CDK14: variants seen among roughly 807,000 people sequenced by gnomAD.
The protein encoded by CDK14 is cyclin-dependent kinase 14.
A neutral mutation model predicts 60.7 loss-of-function variants in CDK14; 34 were observed. The ratio of observed to expected loss-of-function variants is 0.56; its 90% CI spans 0.43 to 0.75. The LOEUF (loss-of-function observed/expected upper bound fraction) is 0.75. CDK14 is among the 30% of genes least tolerant of loss of function. The pLI is 0.00. For missense variants in CDK14, 482 were observed against 564.1 expected (o/e 0.85, Z 1.47); for synonymous variants, 197 against 203.7 (o/e 0.97, Z 0.28).
rs1803005823 is a variant in CDK14, at chr7:91,209,558, A to C, written c.*2422A>C. 6.6e-6 allele frequency: 1 copy of C among 152,102 alleles called. No individual in the cohort carries two copies. Among genetic ancestry groups the C allele is most frequent in the Non-Finnish European group, 1.5e-5 (1 of 68,012 alleles). 9.4% of individuals were successfully genotyped at this position (152,102 alleles called of 1,614,324 possible). On this transcript the variant is annotated 3_prime_UTR_variant, in exon 15 of 15. Transcript: ENST00000380050. Reference sequence around the variant, plus strand: ...AAAATCAATTCAGACTGTGTTGATTAGCAGATTTATTATTCTATTGAGAAA... The same window carrying C: ...AAAATCAATTCAGACTGTGTTGATTCGCAGATTTATTATTCTATTGAGAAA...
At chr7:91,010,801 TTTCC>T (rs1253624022) in intron 10 of CDK14, among the ~76,000 whole-genome samples, 9,320 of 85,872 alleles carry the variant, frequency 0.11, 807 homozygotes, top group East Asian at 0.21. Flanking sequence ...TCCTTCCTTC[TTTCC>T]TTCCTTCCTT....
At chr7:90,965,028 C>T (rs1353948094) in intron 9 of CDK14, among the ~76,000 whole-genome samples, 1 of 152,158 alleles carries the variant, frequency 6.6e-6, no homozygotes, top group Admixed American at 6.5e-5. Context: ...GCAAATCTAT[C>T]AGTTCCATTT....
intron 7 of CDK14, among the ~76,000 whole-genome samples, chr7:90,902,215 T>G (rs1004923180): frequency 6.6e-6 from 1 of 152,072 alleles, no homozygotes; most frequent in South Asian, 2.1e-4. Context: ...AAAATACCAA[T>G]AACATTCTTC....
intron 4 of CDK14, among the ~76,000 whole-genome samples, chr7:90,777,812 T>TA (rs202192943): frequency 0.026 from 3,936 of 152,196 alleles, 80 homozygotes; most frequent in Middle Eastern, 0.054. Context: ...CTATCCAAAG[T>TA]AAAAAAACTC....
chr7:90,898,157 A>G (rs1430019186), intron 6 of CDK14, among the ~76,000 whole-genome samples: 1 of 152,078 alleles, frequency 6.6e-6, no homozygotes, highest in Non-Finnish European at 1.5e-5. Flanking sequence ...AACATCATCC[A>G]GCACTATTCT....
intron 4 of CDK14, among the ~76,000 whole-genome samples, chr7:90,784,194 T>G (rs1249984373): frequency 2.6e-5 from 4 of 152,162 alleles, no homozygotes; most frequent in Non-Finnish European, 5.9e-5. Context: ...GCACATGTTC[T>G]CAGTCATATA....
intron 14 of CDK14, among the ~76,000 whole-genome samples, chr7:91,174,515 CAGG>C (rs1179689082): frequency 3.3e-5 from 5 of 151,660 alleles, no homozygotes; most frequent in African/African-American, 9.7e-5. Flanking sequence ...CTCTGAGCTA[CAGG>C]AGGACATTCA....
chr7:91,203,975 T>G (rs770449783), intron 14 of CDK14, among the ~76,000 whole-genome samples: 12 of 152,154 alleles, frequency 7.9e-5, no homozygotes, highest in Non-Finnish European at 1.2e-4. Flanking sequence ...ACAAAGGAGT[T>G]TGTTCCCATG....
chr7:90,887,634 A>G (rs563760020), intron 6 of CDK14, among the ~76,000 whole-genome samples: 5 of 152,338 alleles, frequency 3.3e-5, no homozygotes, highest in Non-Finnish European at 7.4e-5. Flanking sequence ...CTTTTGCCCC[A>G]TAAGTAATCA....
chr7:90,888,473 C>A (rs1488118640), intron 6 of CDK14, among the ~76,000 whole-genome samples: 1 of 152,126 alleles, frequency 6.6e-6, no homozygotes, highest in Non-Finnish European at 1.5e-5. Flanking sequence ...CTATTATTCA[C>A]CCCTGTAGTC....
In CDK14 at chr7:91,044,469, T is replaced by A. The variant is rs115332175; in HGVS notation, c.1042-1428T>A. Among the ~76,000 whole-genome samples the A allele has an allele frequency of 7.9e-3, 1,209 of 152,208 alleles. 15 individuals are homozygous for A. Among genetic ancestry groups the A allele is most frequent in the African/African-American group, 0.028 (1,152 of 41,518 alleles). ...TTCTTACATTTACAGACTTACAAAGTCTGTCCTATCAGTCTTAAGGCCTGT... is the reference window on the plus strand; with the variant it reads ...TTCTTACATTTACAGACTTACAAAGACTGTCCTATCAGTCTTAAGGCCTGT... On this transcript the variant is annotated intron_variant, in intron 10 of 14. Coordinates refer to ENST00000380050, the MANE Select transcript of CDK14 (RefSeq NM_001287135.2).
chr7:91,100,499 A>G (rs1049844880), intron 12 of CDK14, among the ~76,000 whole-genome samples: 6 of 152,208 alleles, frequency 3.9e-5, no homozygotes, highest in Non-Finnish European at 8.8e-5. Flanking sequence ...TGAAAAGAAT[A>G]TAACAAATTC....
chr7:91,059,540 T>G (rs1482075206), intron 11 of CDK14, among the ~76,000 whole-genome samples: 3 of 152,130 alleles, frequency 2.0e-5, no homozygotes, highest in Admixed American at 6.5e-5. Context: ...TTGTGGGCAT[T>G]TAGTGCTATA....
intron 12 of CDK14, among the ~76,000 whole-genome samples, chr7:91,088,753 A>G (rs1014777772): frequency 2.0e-5 from 3 of 152,174 alleles, no homozygotes; most frequent in African/African-American, 7.2e-5. Flanking sequence ...GACTTGATAT[A>G]CAAACATAAT....
In CDK14 at chr7:90,946,754, C is replaced by T. The variant is rs114217097; in HGVS notation, c.827-8943C>T. On this transcript the variant is annotated intron_variant, in intron 8 of 14. Coordinates refer to ENST00000380050, the MANE Select transcript of CDK14 (RefSeq NM_001287135.2). Reference sequence around the variant, plus strand: ...TACATGCCCTTTAGATTGGCTTTGACCACACCCCAGTTTGAGGTTTCTGAA... The same window carrying T: ...TACATGCCCTTTAGATTGGCTTTGATCACACCCCAGTTTGAGGTTTCTGAA... 7.7e-3 allele frequency among the ~76,000 whole-genome samples: 1,171 copies of T among 152,216 alleles called. 19 individuals carry two copies. The highest frequency in any genetic ancestry group is 0.027 in the African/African-American group (1,131 of 41,524).
intron 2 of CDK14, among the ~76,000 whole-genome samples, chr7:90,672,502 G>GTT (rs201978996): frequency 5.0e-4 from 25 of 49,994 alleles, no homozygotes; most frequent in Admixed American, 7.1e-4. Flanking sequence ...TTCTTCTTCT[G>GTT]TTTTTTTTTT....
chr7:90,792,590 A>G (rs1805877346), intron 5 of CDK14, among the ~76,000 whole-genome samples: 1 of 152,162 alleles, frequency 6.6e-6, no homozygotes, highest in African/African-American at 2.4e-5. Flanking sequence ...TCTAGCCATG[A>G]ACAAGCCCTG....
chr7:91,027,776 C>G (rs1562873962), intron 10 of CDK14, among the ~76,000 whole-genome samples: 3 of 6,252 alleles, frequency 4.8e-4, no homozygotes, highest in African/African-American at 1.9e-3. Flanking sequence ...TCTCCCCTCC[C>G]CTCCCCTCCC....
At chr7:90,641,971 G>T (rs1484202919) in intron 2 of CDK14, among the ~76,000 whole-genome samples, 2 of 152,128 alleles carry the variant, frequency 1.3e-5, no homozygotes, top group African/African-American at 4.8e-5. Context: ...AAAACCATCA[G>T]ATCTTGTGAG....
Sources: gnomAD v4.1 joint callset for allele counts (sites outside exome capture counted in the v4.1 genomes callset) on GRCh38, gnomAD v4.1.1 for gene constraint, MANE v1.5 for transcripts, NCBI Gene and HGNC (gene_info 2026-07-23, HGNC 2026-07-21) for gene names.